STRN4: variants seen among roughly 807,000 people sequenced by gnomAD.
STRN4 encodes striatin 4.
Under a neutral mutation model 77.9 loss-of-function variants are expected in STRN4, and 27 were observed. The ratio of observed to expected loss-of-function variants is 0.35; its 90% CI spans 0.26 to 0.48. The LOEUF is 0.48. Among genes scored for constraint, STRN4 ranks in the 20% least tolerant of loss-of-function variants. The pLI is 0.99. For missense variants in STRN4, 798 were observed against 1,049.7 expected, an observed-to-expected ratio of 0.76 and a Z score of 3.31; for synonymous variants, 466 against 443.1, an observed-to-expected ratio of 1.05 and a Z score of -0.65.
chr19:46,728,619 C>A lies in STRN4; in HGVS notation c.1038G>T (p.Leu346=). The change falls in exon 7 of 18, where the codon CTG becomes CTT. Residue 346 remains leucine (L), a splice_region_variant and synonymous_variant. Coordinates refer to ENST00000263280, the MANE Select transcript of STRN4 (RefSeq NM_013403.3). ...RCTVDGSPHE[L]ESRRVKLQGI... ...GCTGGCCAGAAAACGTCAGCTCACCCAGCTCATGGGGGCTCCCATCCACAG... is the reference window on the plus strand; with the variant it reads ...GCTGGCCAGAAAACGTCAGCTCACCAAGCTCATGGGGGCTCCCATCCACAG... The A allele has an allele frequency of 6.2e-7, 1 of 1,611,834 alleles. No homozygotes were observed. The highest frequency in any genetic ancestry group is 8.5e-7 in the Non-Finnish European group (1 of 1,178,670).
chr19:46,725,769 C>G, intron 9 of STRN4, 121 bp from the exon 10 acceptor site: 1 of 1,303,504 alleles, frequency 7.7e-7, no homozygotes, highest in Non-Finnish European at 1.0e-6. Context: ...GGAATGCCCT[C>G]AGAGCCTGGG....
chr19:46,746,404 C>A lies in STRN4; in HGVS notation c.27G>T (p.Ala9=). The part of the protein sequence containing the change: MMEERAAA[A]VAAAASSCRP... ...GGCAGGAGGAGGCGGCGGCGGCGAC[C>A]GCGGCGGCCGCTCGCTCCTCCATCA... Residue 9 remains alanine (A), a synonymous_variant, in exon 1 of 18, where the codon GCG becomes GCT. Transcript: ENST00000263280. 9.5e-7 allele frequency: 1 copy of A among 1,051,264 alleles called. No homozygotes were observed. Among genetic ancestry groups the A allele is most frequent in the East Asian group, 7.7e-5 (1 of 12,946 alleles). 65.1% of individuals were successfully genotyped at this position (1,051,264 alleles called of 1,614,324 possible).
chr19:46,730,037 C>T (rs1415760673), intron 6 of STRN4, among the ~76,000 whole-genome samples: 1 of 152,210 alleles, frequency 6.6e-6, no homozygotes, highest in Non-Finnish European at 1.5e-5. Flanking sequence ...GGTGCAAACA[C>T]CACGGATGAT....
rs1036590827 is a variant in STRN4 at position 46,723,385 on chromosome 19, C to T, written c.1595-101G>A. 6.2e-5 allele frequency: 87 copies of T among 1,397,050 alleles called. No individual in the cohort carries two copies. The highest frequency in any genetic ancestry group is 6.6e-6 in the Non-Finnish European group (7 of 1,054,608). 86.5% of individuals were successfully genotyped at this position (1,397,050 alleles called of 1,614,324 possible). The stretch of plus-strand genomic sequence containing the variant: ...CTGCCAAGCCCCAGGCAGCTGGGCT[C>T]CAATCACCCACGCACCCACTTCACA... On this transcript the variant is annotated intron_variant, in intron 12 of 17. Transcript: ENST00000263280. The surrounding 1 kb of genome is among the most constrained non-coding windows in gnomAD (Gnocchi z 5.5).
intron 9 of STRN4, 109 bp from the exon 10 acceptor site, chr19:46,725,757 C>G (rs902677997): frequency 2.2e-6 from 3 of 1,383,112 alleles, no homozygotes; most frequent in African/African-American, 2.9e-5. Flanking sequence ...ATGACCCTGG[C>G]AGGAATGCCC....
At position 46,734,523 on chromosome 19, in the gene STRN4, G is replaced by C. The variant is rs549056334; in HGVS notation, c.540-1287C>G. On this transcript the variant is annotated intron_variant, in intron 4 of 17. Transcript: ENST00000263280. ...AAAAGCAACCTTGACAAAATACAAGGAACTGACCATGGAGAGTTATGGTTA... is the reference window on the plus strand; with the variant it reads ...AAAAGCAACCTTGACAAAATACAAGCAACTGACCATGGAGAGTTATGGTTA... Among the ~76,000 whole-genome samples, 7 of 152,218 alleles carry C rather than the reference G, an allele frequency of 4.6e-5. No homozygotes were observed. In the South Asian group the frequency reaches 1.2e-3, roughly 27 times the overall value.
chr19:46,724,384 C>T (rs988380486), intron 12 of STRN4, among the ~76,000 whole-genome samples: 1 of 152,144 alleles, frequency 6.6e-6, no homozygotes, highest in African/African-American at 2.4e-5. Flanking sequence ...CAGCCTGGCC[C>T]AGCTAACTCC....
At chr19:46,724,427 C>G (rs1268553630) in intron 12 of STRN4, among the ~76,000 whole-genome samples, 6 of 152,194 alleles carry the variant, frequency 3.9e-5, no homozygotes, top group Admixed American at 6.5e-5. Flanking sequence ...ATGCCCTCCC[C>G]TCAACCACGC....
intron 5 of STRN4, chr19:46,732,163 G>A (rs909348554): frequency 5.3e-5 from 8 of 152,314 alleles, no homozygotes; most frequent in Non-Finnish European, 7.3e-5. Context: ...GACACCTCTC[G>A]CCTCACCACC....
rs766975976 is a variant in STRN4 at position 46,725,378 on chromosome 19, T to A, written c.1426A>T (p.Asn476Tyr). 1.9e-6 allele frequency: 3 copies of A among 1,613,948 alleles called. No homozygotes were observed. In the Admixed American group the frequency reaches 5.0e-5, roughly 27 times the overall value. ...NLQKAVTAKK[N>Y]AALDVEPIHA... is the part of the protein sequence containing the mutation. Reference sequence around the variant, plus strand: ...ATAGGTTCCACATCTAGCGCCGCATTCCTGTGGGATGACAGAGGAGCCTGA... The same window carrying A: ...ATAGGTTCCACATCTAGCGCCGCATACCTGTGGGATGACAGAGGAGCCTGA... The change falls in exon 11 of 18, where the codon AAT (asparagine) becomes TAT (tyrosine). Residue 476 changes from asparagine to tyrosine, a missense_variant and splice_region_variant. Asn to Tyr is a moderately radical substitution (Grantham distance 143, BLOSUM62 -2). Transcript: ENST00000263280.
In STRN4 at chr19:46,723,917, T is replaced by C. The variant is rs1053133952; in HGVS notation, c.1595-633A>G. 1.3e-5 allele frequency among the ~76,000 whole-genome samples: 2 copies of C among 152,126 alleles called. No homozygotes were observed. The highest frequency in any genetic ancestry group is 1.3e-4 in the Admixed American group (2 of 15,268). On this transcript the variant is annotated intron_variant, in intron 12 of 17. Transcript: ENST00000263280. The surrounding 1 kb of genome is among the most constrained non-coding windows in gnomAD (Gnocchi z 5.5). ...AGAGGAGACAAAGACCTCTGAACTC[T>C]GCCCAGACAAGGTGGAGCACAGGGC... is the stretch of plus-strand genomic sequence containing the variant.
chr19:46,727,988 G>C lies in STRN4; in HGVS notation c.1059C>G (p.Leu353=), dbSNP rs147567173. Residue 353 remains leucine (L), a synonymous_variant, in exon 8 of 18, where the codon CTC becomes CTG. Coordinates refer to ENST00000263280, the MANE Select transcript of STRN4 (RefSeq NM_013403.3). ...CCCGCAGGTCAGCCAGAATGCCTTG[G>C]AGTTTGACCCGACGGCTTTCTGCAG... ...PHELESRRVK[L]QGILADLRDV... is the part of the protein sequence containing the mutation. The C allele has an allele frequency of 6.2e-7, 1 of 1,614,058 alleles. No individual in the cohort carries two copies. The highest frequency in any genetic ancestry group is 8.5e-7 in the Non-Finnish European group (1 of 1,179,978).
rs140185579 is a variant in STRN4 at position 46,724,854 on chromosome 19, T to C, written c.1547A>G (p.His516Arg). Residue 516 changes from histidine to arginine, a missense_variant, in exon 12 of 18, where the codon CAT becomes CGT. Coordinates refer to ENST00000263280, the MANE Select transcript of STRN4 (RefSeq NM_013403.3). ...GCTGAGGTCTGGAATCTTCCAACTA[T>C]GGATGCAGGCATCTGCCCCGCCACT... ...CYSGGADACI[H>R]SWKIPDLSMD... 4 of 1,613,484 alleles carry C rather than the reference T, an allele frequency of 2.5e-6. No homozygotes were observed. The highest frequency in any genetic ancestry group is 1.7e-4 in the Middle Eastern group (1 of 5,932).
chr19:46,732,797 T>C (rs1025925307), intron 5 of STRN4: 1 of 494,890 alleles, frequency 2.0e-6, no homozygotes, highest in African/African-American at 2.0e-5. Context: ...CAGGCCTGAG[T>C]ATCAGGACGG....
chr19:46,725,329 T>C lies in STRN4; in HGVS notation c.1472+3A>G. On this transcript the variant is annotated splice_donor_region_variant and intron_variant, in intron 11 of 17. Transcript: ENST00000263280. ...TCTAGCAGGCTCAGGGGCACCTCCC[T>C]ACCTGTGAGCCCGGAAAGCATGTAT... The C allele has an allele frequency of 6.2e-7, 1 of 1,614,166 alleles. No individual in the cohort carries two copies. Among genetic ancestry groups the C allele is most frequent in the South Asian group, 1.1e-5 (1 of 91,086 alleles).
In STRN4 at chr19:46,743,271, CCT is replaced by C. The variant is rs896690648; in HGVS notation, c.282+2876_282+2877del. ...ACACACTCACACACACACACACACC[CCT>C]CTGAGATGTCTGAATTTTTACTAAC... On this transcript the variant is annotated intron_variant, in intron 1 of 17. Transcript: ENST00000263280. 1.4e-4 allele frequency among the ~76,000 whole-genome samples: 22 copies of C among 152,250 alleles called. No individual in the cohort carries two copies. In the East Asian group the frequency reaches 3.7e-3, roughly 25 times the overall value.
At chr19:46,725,244 C>G in intron 11 of STRN4, 88 bp downstream of exon 11, 2 of 1,579,590 alleles carry the variant, frequency 1.3e-6, no homozygotes, top group South Asian at 1.1e-5. Context: ...TGCCTCCTGC[C>G]GTGGGCCTCC....
intron 9 of STRN4, 166 bp from the exon 10 acceptor site, chr19:46,725,814 CAG>C (rs2054098388): frequency 7.1e-6 from 6 of 849,122 alleles, no homozygotes; most frequent in South Asian, 1.8e-5. Flanking sequence ...CTCTGCTGGG[CAG>C]AGTCTCCATG....
Position 46,730,870 on chromosome 19 carries a change from G to A in STRN4, c.741C>T (p.Asn247=), listed in dbSNP as rs747015742. ...GCTCTTTGCCATCTTTGCCTGCCGC[G>A]TTCCTGCCAAAGACAGCAGAGCAGA... The part of the protein sequence containing the change: ...VKQIEEQIKR[N]AAGKDGKERL... Residue 247 remains asparagine (N), a synonymous_variant, in exon 6 of 18, where the codon AAC becomes AAT. Coordinates refer to ENST00000263280, the MANE Select transcript of STRN4 (RefSeq NM_013403.3). 9.6e-5 allele frequency: 155 copies of A among 1,610,484 alleles called. No individual in the cohort carries two copies. Among genetic ancestry groups the A allele is most frequent in the Non-Finnish European group, 1.2e-4 (143 of 1,179,970 alleles).
Sources: allele counts gnomAD v4.1 joint callset (sites outside exome capture counted in the v4.1 genomes callset), GRCh38; gene constraint gnomAD v4.1.1; non-coding constraint Gnocchi (gnomAD v3.1); transcripts MANE v1.5; gene names NCBI Gene and HGNC (gene_info 2026-07-23, HGNC 2026-07-21).